PLCH1: variants seen among roughly 807,000 people sequenced by gnomAD.
The protein encoded by PLCH1 is phospholipase C eta 1.
PLCH1 carries 60 observed loss-of-function variants against 126.7 expected under a neutral mutation model. The ratio of observed to expected loss-of-function variants is 0.47; its 90% CI spans 0.38 to 0.59. The LOEUF (loss-of-function observed/expected upper bound fraction) is 0.59. Ranked by LOEUF, PLCH1 falls within the 20% of genes least tolerant of loss-of-function variation. The pLI, the probability that PLCH1 is intolerant of heterozygous loss-of-function variation, is 0.00. For missense variants in PLCH1, 1,723 were observed against 2,040.0 expected, an observed-to-expected ratio of 0.84 and a Z score of 2.99; for synonymous variants, 719 against 734.9, an observed-to-expected ratio of 0.98 and a Z score of 0.35.
At position 155,480,703 on chromosome 3, in the gene PLCH1, T is replaced by C. The variant is rs1480696265; in HGVS notation, c.*265A>G. 1 of 353,830 alleles carries C rather than the reference T, an allele frequency of 2.8e-6. No homozygotes were observed. Among genetic ancestry groups the C allele is most frequent in the Non-Finnish European group, 5.1e-6 (1 of 195,610 alleles). 21.9% of individuals were successfully genotyped at this position (353,830 alleles called of 1,614,324 possible). ...CATTATAACCCGAGCTGCTGAGGAGTTTCACATCTAGGGCATGCACATATT... is the reference window on the plus strand; with the variant it reads ...CATTATAACCCGAGCTGCTGAGGAGCTTCACATCTAGGGCATGCACATATT... On this transcript the variant is annotated 3_prime_UTR_variant, in exon 23 of 23. Transcript: ENST00000460012.
In PLCH1 at chr3:155,480,938, G is replaced by A; in HGVS notation, c.*30C>T. ...ACTCTGACATTCTACAGAATACCTT[G>A]AAAACCTTAAGAATGCAGTTTTAAA... On this transcript the variant is annotated 3_prime_UTR_variant, in exon 23 of 23. Transcript: ENST00000460012. The A allele has an allele frequency of 6.6e-7, 1 of 1,503,762 alleles. No homozygotes were observed. Among genetic ancestry groups the A allele is most frequent in the African/African-American group, 1.4e-5 (1 of 71,930 alleles). The allele number at this position is 1,503,762 out of a possible 1,614,324, so 93.2% of individuals were successfully genotyped here.
intron 2 of PLCH1, among the ~76,000 whole-genome samples, chr3:155,652,094 C>T (rs570886937): frequency 6.6e-6 from 1 of 152,300 alleles, no homozygotes; most frequent in African/African-American, 2.4e-5. Context: ...ACAGCAAAGC[C>T]CTTGGCAAAG....
Position 155,532,236 on chromosome 3 carries a change from A to G in PLCH1, c.1363-8232T>C, listed in dbSNP as rs142903020. ...AATGGAAGAGCATGTGAAGACTCGC[A>G]TCGTGAACTTGTGCTACAAGAACTA... is the stretch of plus-strand genomic sequence containing the variant. On this transcript the variant is annotated intron_variant, in intron 10 of 22. Coordinates refer to ENST00000460012, the MANE Select transcript of PLCH1 (RefSeq NM_014996.4). Among the ~76,000 whole-genome samples, 111 of 152,326 alleles carry G rather than the reference A, an allele frequency of 7.3e-4. 2 individuals carry two copies. In the East Asian group the frequency reaches 0.019, roughly 26 times the overall value.
At position 155,512,899 on chromosome 3, in the gene PLCH1, CTTG is replaced by C. The variant is rs1337573550; in HGVS notation, c.1632+1821_1632+1823del. On this transcript the variant is annotated intron_variant, in intron 12 of 22. Transcript: ENST00000460012. ...AGCAGGGCAGCTGAGAGCTTAGGAA[CTTG>C]TTAAGGTTATTCAGGCAGCAGCAGT... Among the ~76,000 whole-genome samples the C allele has an allele frequency of 9.8e-5, 15 of 152,314 alleles. No homozygotes were observed. In the South Asian group the frequency reaches 1.7e-3, roughly 17 times the overall value.
chr3:155,627,495 G>T (rs1029167690), intron 2 of PLCH1, among the ~76,000 whole-genome samples: 1 of 152,052 alleles, frequency 6.6e-6, no homozygotes, highest in African/African-American at 2.4e-5. Flanking sequence ...TTAGCCCGGC[G>T]TGGTGGCGGG....
chr3:155,491,009 T>A, intron 18 of PLCH1, 141 bp from the exon 19 acceptor site: 2 of 581,848 alleles, frequency 3.4e-6, no homozygotes, highest in Non-Finnish European at 6.1e-6. Context: ...GAAATGGTAC[T>A]AGGTGTGGTG....
In PLCH1 at chr3:155,704,228, CAGA is replaced by C; in HGVS notation, c.-7_-5del. 8.2e-7 allele frequency: 1 copy of C among 1,220,262 alleles called. No homozygotes were observed. Among genetic ancestry groups the C allele is most frequent in the Non-Finnish European group, 1.0e-6 (1 of 977,598 alleles). The allele number at this position is 1,220,262 out of a possible 1,614,324, so 75.6% of individuals were successfully genotyped here. A position where few individuals can be genotyped will look rare whatever the true frequency, so the allele number is the denominator to read the frequency against. ...TTTCCAAGTTCCAGTAACTCATTGT[CAGA>C]AGATTTCTGGCACAGCATCAAAACC... is the stretch of plus-strand genomic sequence containing the variant. On this transcript the variant is annotated 5_prime_UTR_variant, in exon 2 of 23. Transcript: ENST00000460012.
intron 11 of PLCH1, among the ~76,000 whole-genome samples, chr3:155,522,081 G>C (rs1423561921): frequency 6.6e-6 from 1 of 152,148 alleles, no homozygotes; most frequent in African/African-American, 2.4e-5. Flanking sequence ...AACTTAGGAA[G>C]TTGGAGAGCT....
chr3:155,705,770 A>AT (rs1433615831), intron 1 of PLCH1, among the ~76,000 whole-genome samples: 3 of 152,252 alleles, frequency 2.0e-5, no homozygotes, highest in African/African-American at 7.2e-5. Context: ...AGATTAACTG[A>AT]TTCACCCAAT....
At chr3:155,530,741 T>C (rs949749637) in intron 10 of PLCH1, among the ~76,000 whole-genome samples, 1 of 152,236 alleles carries the variant, frequency 6.6e-6, no homozygotes, top group Non-Finnish European at 1.5e-5. Flanking sequence ...CAAATGTTCT[T>C]AATGGCATTT....
intron 2 of PLCH1, among the ~76,000 whole-genome samples, chr3:155,696,377 T>A (rs1323375688): frequency 1.3e-5 from 2 of 152,152 alleles, no homozygotes; most frequent in African/African-American, 4.8e-5. Flanking sequence ...ACACAATCAC[T>A]AATTATTACT....
intron 2 of PLCH1, among the ~76,000 whole-genome samples, chr3:155,657,236 A>G (rs1225830404): frequency 2.0e-5 from 3 of 152,202 alleles, no homozygotes; most frequent in African/African-American, 7.2e-5. Flanking sequence ...AAGAACAGTG[A>G]TCTCTGAGAG....
intron 21 of PLCH1, among the ~76,000 whole-genome samples, chr3:155,453,900 A>G (rs1224436061): frequency 6.6e-6 from 1 of 152,038 alleles, no homozygotes; most frequent in Non-Finnish European, 1.5e-5. Context: ...TTATAAGTAG[A>G]AAAGGATGGA....
chr3:155,710,863 A>G (rs1242438603), intron 1 of PLCH1, among the ~76,000 whole-genome samples: 1 of 151,570 alleles, frequency 6.6e-6, no homozygotes, highest in East Asian at 1.9e-4. Context: ...GTTTTAAAAT[A>G]TAGCTGCATG....
In PLCH1 at chr3:155,481,312, A is replaced by G; in HGVS notation, c.4714T>C (p.Ser1572Pro). 1.2e-6 allele frequency: 2 copies of G among 1,614,228 alleles called. No homozygotes were observed. The highest frequency in any genetic ancestry group is 1.7e-6 in the Non-Finnish European group (2 of 1,180,040). Residue 1572 changes from serine to proline, a missense_variant, in exon 23 of 23, where the codon TCC (serine) becomes CCC (proline). Ser to Pro is a moderately conservative substitution (Grantham distance 74). This residue lies in a region of PLCH1 where 947 missense variants were observed against 977.1 expected (regional missense o/e 0.97). Transcript: ENST00000460012. This position sits in a 1 kb window ranked among gnomAD's most constrained non-coding sequence, Gnocchi z 4.2. ...TTGCGCACTCTGCTCTGACTTCTGG[A>G]TGACAACTTCCTGACCAGTGCCCGG... Reference protein sequence around the residue: ...LPRALVRKLSSRSQSRVRNIA... With the variant: ...LPRALVRKLSPRSQSRVRNIA...
intron 2 of PLCH1, among the ~76,000 whole-genome samples, chr3:155,631,354 T>C (rs1333708758): frequency 6.6e-6 from 1 of 152,184 alleles, no homozygotes; most frequent in Non-Finnish European, 1.5e-5. Flanking sequence ...TGTGTTTAAA[T>C]ATGATGCATG....
intron 11 of PLCH1, among the ~76,000 whole-genome samples, chr3:155,523,209 C>T (rs1228746302): frequency 6.6e-6 from 1 of 152,118 alleles, no homozygotes; most frequent in Non-Finnish European, 1.5e-5. Flanking sequence ...ATCTCCTGAC[C>T]TCGTGATCTG....
At chr3:155,468,537 C>T (rs924028903) in intron 21 of PLCH1, among the ~76,000 whole-genome samples, 3 of 151,966 alleles carry the variant, frequency 2.0e-5, no homozygotes, top group African/African-American at 7.2e-5. Context: ...TGAAAATAAA[C>T]GGATGGAAAA....
chr3:155,586,218 C>T, intron 4 of PLCH1, 24 bp from the exon 5 acceptor site: 4 of 1,609,910 alleles, frequency 2.5e-6, no homozygotes, highest in Non-Finnish European at 3.4e-6. Context: ...AAAGAAAACA[C>T]CTGTGCTCTC....
Sources: gnomAD v4.1 joint callset for allele counts (sites outside exome capture counted in the v4.1 genomes callset) on GRCh38, gnomAD v4.1.1 for gene constraint, gnomAD v4.1.1 regional missense constraint, Gnocchi (gnomAD v3.1) non-coding constraint, MANE v1.5 for transcripts, NCBI Gene and HGNC (gene_info 2026-07-23, HGNC 2026-07-21) for gene names.